Variants in ANO2 observed in about 807,000 individuals in gnomAD.
The protein encoded by ANO2 is anoctamin-2.
Under a neutral mutation model 124.2 loss-of-function variants are expected in ANO2, and 101 were observed. That is an observed-to-expected ratio of 0.81 (90% CI 0.69 to 0.96). ANO2 has a LOEUF of 0.96. Ranked by LOEUF, ANO2 falls within the 40% of genes least tolerant of loss-of-function variation. The pLI is 0.00. For synonymous variants in ANO2, 486 were observed against 482.5 expected, an observed-to-expected ratio of 1.01 and a Z score of -0.09; for missense variants, 1,293 against 1,274.5, an observed-to-expected ratio of 1.01 and a Z score of -0.22.
At position 5,800,127 on chromosome 12, in the gene ANO2, T is replaced by G. The variant is rs570498466; in HGVS notation, c.991-556A>C. Among the ~76,000 whole-genome samples the G allele has an allele frequency of 2.0e-3, 309 of 152,310 alleles. 1 individual carries two copies. Among genetic ancestry groups the G allele is most frequent in the Non-Finnish European group, 4.0e-3 (271 of 68,018 alleles). On this transcript the variant is annotated intron_variant, in intron 9 of 24. Coordinates refer to ENST00000682330, the MANE Select transcript of ANO2 (RefSeq NM_001364791.2). ...GAAGGCCTCTCTGAGGAGGTGACATTGAGCTGAGACACAAAGGAAGGGGGG... is the reference window on the plus strand; with the variant it reads ...GAAGGCCTCTCTGAGGAGGTGACATGGAGCTGAGACACAAAGGAAGGGGGG...
At chr12:5,633,599 A>G (rs1435890872) in intron 16 of ANO2, among the ~76,000 whole-genome samples, 1 of 149,740 alleles carries the variant, frequency 6.7e-6, no homozygotes, top group Non-Finnish European at 1.5e-5. Context: ...AAAAAAAAAA[A>G]CACGTTCTGG....
chr12:5,879,493 G>A (rs1938340799), intron 3 of ANO2, among the ~76,000 whole-genome samples: 1 of 152,158 alleles, frequency 6.6e-6, no homozygotes, highest in African/African-American at 2.4e-5. Flanking sequence ...AGGGTTACCA[G>A]GACAAAAGAC....
chr12:5,611,947 T>C (rs1252274858), intron 19 of ANO2, among the ~76,000 whole-genome samples: 3 of 152,234 alleles, frequency 2.0e-5, no homozygotes, highest in East Asian at 3.9e-4. Flanking sequence ...TTTCTGATGC[T>C]GGGCTGCCTA....
intron 3 of ANO2, among the ~76,000 whole-genome samples, chr12:5,917,195 C>T (rs1468530580): frequency 6.6e-6 from 1 of 152,132 alleles, no homozygotes; most frequent in Admixed American, 6.6e-5. Context: ...AAGCGGGGAA[C>T]ATCTGACAGA....
chr12:5,665,727 C>G (rs1403998594), intron 14 of ANO2, among the ~76,000 whole-genome samples: 1 of 149,630 alleles, frequency 6.7e-6, no homozygotes, highest in Non-Finnish European at 1.5e-5. Context: ...CCCCCACCCC[C>G]ACCCAGGGAG....
chr12:5,595,750 C>A (rs1565453729), intron 20 of ANO2, among the ~76,000 whole-genome samples: 1 of 152,182 alleles, frequency 6.6e-6, no homozygotes, highest in Non-Finnish European at 1.5e-5. Flanking sequence ...GGAACTGGGG[C>A]TTGACCTGGG....
intron 20 of ANO2, 64 bp downstream of exon 20, chr12:5,599,420 T>A: frequency 2.3e-5 from 33 of 1,456,118 alleles, no homozygotes; most frequent in African/African-American, 2.9e-5. Context: ...ACCTTCCCCC[T>A]TCAACCCCAC....
intron 14 of ANO2, among the ~76,000 whole-genome samples, chr12:5,683,704 T>C (rs1320281780): frequency 2.0e-5 from 3 of 152,078 alleles, no homozygotes; most frequent in African/African-American, 7.2e-5. Context: ...GCTGAAACCG[T>C]GGTAGACTAC....
At chr12:5,738,072 T>C (rs779856519) in intron 13 of ANO2, among the ~76,000 whole-genome samples, 2 of 152,182 alleles carry the variant, frequency 1.3e-5, no homozygotes, top group South Asian at 2.1e-4. Context: ...AAAGGCTATA[T>C]CATTACATCT....
chr12:5,584,500 C>T (rs1374877150), intron 20 of ANO2, among the ~76,000 whole-genome samples: 4 of 152,192 alleles, frequency 2.6e-5, no homozygotes, highest in Non-Finnish European at 5.9e-5. Flanking sequence ...CATGGAAGGA[C>T]ACACTGGTAT....
At chr12:5,724,227 C>A (rs571844774) in intron 14 of ANO2, among the ~76,000 whole-genome samples, 1 of 152,260 alleles carries the variant, frequency 6.6e-6, no homozygotes, top group South Asian at 2.1e-4. Context: ...AAGGCTCTTT[C>A]TGTGCCTCAG....
chr12:5,662,061 G>T (rs1301345483), intron 14 of ANO2, among the ~76,000 whole-genome samples: 1 of 152,198 alleles, frequency 6.6e-6, no homozygotes, highest in Non-Finnish European at 1.5e-5. Flanking sequence ...ACAGGGCTGG[G>T]GCAGATGCTG....
At chr12:5,573,829 G>A (rs1275278534) in intron 23 of ANO2, among the ~76,000 whole-genome samples, 1 of 152,230 alleles carries the variant, frequency 6.6e-6, no homozygotes, top group Non-Finnish European at 1.5e-5. Context: ...GAACCCTGAA[G>A]TTGTTGTTCC....
intron 10 of ANO2, among the ~76,000 whole-genome samples, chr12:5,755,922 A>G (rs1951569030): frequency 6.6e-6 from 1 of 152,092 alleles, no homozygotes; most frequent in Non-Finnish European, 1.5e-5. Flanking sequence ...GTTTTTAGCA[A>G]TTATTCCCTT....
rs1940106750 is a variant in ANO2, at chr12:5,900,405, G to A, written c.534+20635C>T. 6.6e-6 allele frequency among the ~76,000 whole-genome samples: 1 copy of A among 152,154 alleles called. No homozygotes were observed. Among genetic ancestry groups the A allele is most frequent in the Non-Finnish European group, 1.5e-5 (1 of 68,034 alleles). On this transcript the variant is annotated intron_variant, in intron 3 of 24. Coordinates refer to ENST00000682330, the MANE Select transcript of ANO2 (RefSeq NM_001364791.2). This position sits in a 1 kb window ranked among gnomAD's most constrained non-coding sequence, Gnocchi z 4.2. The stretch of plus-strand genomic sequence containing the variant: ...GCCCAGTGTTTAGCACCCATCTAGA[G>A]GGCAGAGGACAATTTAAAAATGCAT...
At chr12:5,735,632 G>A (rs1591542753) in intron 13 of ANO2, among the ~76,000 whole-genome samples, 1 of 152,172 alleles carries the variant, frequency 6.6e-6, no homozygotes, top group African/African-American at 2.4e-5. Flanking sequence ...TGGGGAGTTG[G>A]GGGAGGCCAA....
intron 4 of ANO2, among the ~76,000 whole-genome samples, chr12:5,836,210 G>A (rs768533049): frequency 6.6e-6 from 1 of 152,184 alleles, no homozygotes; most frequent in African/African-American, 2.4e-5. Flanking sequence ...AGGGTTGCCA[G>A]ATCGAACAAA....
At chr12:5,575,808 T>C (rs564482928) in intron 23 of ANO2, 26 bp downstream of exon 23, 3 of 1,609,050 alleles carry the variant, frequency 1.9e-6, no homozygotes, top group Non-Finnish European at 1.7e-6. Context: ...GGTCCTCTGC[T>C]GCCCTTCTCC....
At chr12:5,755,522 A>T (rs1400952089) in intron 10 of ANO2, among the ~76,000 whole-genome samples, 1 of 151,990 alleles carries the variant, frequency 6.6e-6, no homozygotes, top group Non-Finnish European at 1.5e-5. Context: ...CGTCATTTAC[A>T]TTAGGTATAT....
Sources: allele counts gnomAD v4.1 joint callset (sites outside exome capture counted in the v4.1 genomes callset), GRCh38; gene constraint gnomAD v4.1.1; non-coding constraint Gnocchi (gnomAD v3.1); transcripts MANE v1.5; gene names NCBI Gene and HGNC (gene_info 2026-07-23, HGNC 2026-07-21).